MIS18A: variants seen among roughly 807,000 people sequenced by gnomAD.
MIS18A encodes MIS18 kinetochore protein A.
A neutral mutation model predicts 25.0 loss-of-function variants in MIS18A; 14 were observed. The observed-to-expected ratio is 0.56, with a 90% CI of 0.37 to 0.88. The LOEUF (loss-of-function observed/expected upper bound fraction) is 0.88. Ranked by LOEUF, MIS18A falls within the 40% of genes least tolerant of loss-of-function variation. The probability of loss-of-function intolerance (pLI) is 0.00; values close to 1 mark genes in which losing one functional copy is unlikely to be tolerated. For synonymous variants in MIS18A, 134 were observed against 118.6 expected, an observed-to-expected ratio of 1.13 and a Z score of -0.84; for missense variants, 292 against 290.8, an observed-to-expected ratio of 1.00 and a Z score of -0.03.
At chr21:32,204,752 T>C in the MIS18A span, among the ~76,000 whole-genome samples, 1 of 151,848 alleles carries the variant, frequency 6.6e-6, no homozygotes, top group Middle Eastern at 3.4e-3. Context: ...CCAGGCATGG[T>C]GGCAGGTGCC....
chr21:32,243,034 G>A, the MIS18A span, among the ~76,000 whole-genome samples: 1 of 152,158 alleles, frequency 6.6e-6, no homozygotes, highest in Admixed American at 6.5e-5. Flanking sequence ...CCAACAAACG[G>A]TGTGGACTTA....
At chr21:32,215,521 G>T in the MIS18A span, among the ~76,000 whole-genome samples, 1 of 152,118 alleles carries the variant, frequency 6.6e-6, no homozygotes, top group Non-Finnish European at 1.5e-5. Context: ...ATGTTCACTA[G>T]GGAAGCCAGG....
chr21:32,212,466 C>A, the MIS18A span, among the ~76,000 whole-genome samples: 2 of 152,124 alleles, frequency 1.3e-5, no homozygotes, highest in African/African-American at 4.8e-5. Context: ...AGAAGTCAGA[C>A]TCTCACACCT....
At chr21:32,201,560 C>A in the MIS18A span, among the ~76,000 whole-genome samples, 5 of 152,180 alleles carry the variant, frequency 3.3e-5, no homozygotes, top group African/African-American at 4.8e-5. Flanking sequence ...GTAGCTCATG[C>A]CTATAATCCC....
At chr21:32,224,450 G>C in the MIS18A span, among the ~76,000 whole-genome samples, 1 of 151,144 alleles carries the variant, frequency 6.6e-6, no homozygotes, top group East Asian at 1.9e-4. Flanking sequence ...CAAAATCAAT[G>C]TAAAAAAATC....
chr21:32,243,372 AGT>A, the MIS18A span, among the ~76,000 whole-genome samples: 11 of 152,220 alleles, frequency 7.2e-5, no homozygotes, highest in Admixed American at 7.2e-4. Flanking sequence ...GAACTACCAA[AGT>A]GCAGCAGTAA....
chr21:32,191,069 C>T, the MIS18A span, among the ~76,000 whole-genome samples: 1 of 152,216 alleles, frequency 6.6e-6, no homozygotes, highest in Non-Finnish European at 1.5e-5. Flanking sequence ...TCCAGGCTAT[C>T]TGTTCTTGGA....
the MIS18A span, among the ~76,000 whole-genome samples, chr21:32,165,841 A>AT: frequency 0.017 from 2,606 of 152,150 alleles, 76 homozygotes; most frequent in African/African-American, 0.059. Flanking sequence ...CCTTGTTGGG[A>AT]TTTTTTGCAT....
the MIS18A span, among the ~76,000 whole-genome samples, chr21:32,157,358 C>T: frequency 6.6e-5 from 10 of 151,110 alleles, no homozygotes; most frequent in East Asian, 1.9e-4. Context: ...CATGAACCAC[C>T]GGGCCTGGCT....
At chr21:32,253,110 G>A in the MIS18A span, among the ~76,000 whole-genome samples, 1 of 152,170 alleles carries the variant, frequency 6.6e-6, no homozygotes, top group Non-Finnish European at 1.5e-5. Context: ...GGAAGGGTGG[G>A]ATGCGCTTTA....
chr21:32,197,347 ACCCAC>A, the MIS18A span, among the ~76,000 whole-genome samples: 22,800 of 152,028 alleles, frequency 0.15, 1,801 homozygotes, highest in East Asian at 0.24. Flanking sequence ...TTTCCTACCC[ACCCAC>A]GTGGGGCTGA....
At chr21:32,196,666 C>A in the MIS18A span, among the ~76,000 whole-genome samples, 3 of 152,118 alleles carry the variant, frequency 2.0e-5, no homozygotes, top group Admixed American at 1.3e-4. Flanking sequence ...GTTGGCCAGG[C>A]TGGTCTTGAT....
At chr21:32,270,240 C>T (rs1450917223) in intron 3 of MIS18A, among the ~76,000 whole-genome samples, 167 bp downstream of exon 3, 4 of 138,940 alleles carry the variant, frequency 2.9e-5, no homozygotes, top group Admixed American at 7.2e-5. Flanking sequence ...TTTCCAATAC[C>T]AAATAAAGAA....
downstream of MIS18A, among the ~76,000 whole-genome samples, chr21:32,265,763 C>T (rs1340591912): frequency 2.0e-5 from 3 of 152,372 alleles, no homozygotes; most frequent in Admixed American, 1.3e-4. Flanking sequence ...AGCCCCGGTG[C>T]GGGATCCACT....
At chr21:32,191,658 C>A in the MIS18A span, among the ~76,000 whole-genome samples, 5 of 152,172 alleles carry the variant, frequency 3.3e-5, no homozygotes, top group Non-Finnish European at 7.3e-5. Flanking sequence ...AATCCCAGCA[C>A]TTTGGGAGGT....
At chr21:32,165,647 G>GA in the MIS18A span, among the ~76,000 whole-genome samples, 1 of 151,166 alleles carries the variant, frequency 6.6e-6, no homozygotes, top group Non-Finnish European at 1.5e-5. Flanking sequence ...AAAAAGAAAA[G>GA]AAAAAAACCC....
chr21:32,268,940 C>G lies in MIS18A; in HGVS notation c.*97G>C, dbSNP rs11557587. 1 of 552,138 alleles carries G rather than the reference C, an allele frequency of 1.8e-6. No individual in the cohort carries two copies. The highest frequency in any genetic ancestry group is 2.8e-6 in the Non-Finnish European group (1 of 361,226). 34.2% of individuals were successfully genotyped at this position (552,138 alleles called of 1,614,324 possible). A position where few individuals can be genotyped will look rare whatever the true frequency, so the allele number is the denominator to read the frequency against. On this transcript the variant is annotated 3_prime_UTR_variant, in exon 5 of 5. Coordinates refer to ENST00000290130, the MANE Select transcript of MIS18A (RefSeq NM_018944.3). ...CGCATGCCTGGCTAATTTTTTTTTT[C>G]TTTTTTTTTTTGTAGAGACGACGTC...
At chr21:32,209,874 G>A in the MIS18A span, among the ~76,000 whole-genome samples, 12 of 152,278 alleles carry the variant, frequency 7.9e-5, no homozygotes, top group African/African-American at 2.4e-4. Flanking sequence ...TGAGGCCTCC[G>A]CAACCCTGTG....
chr21:32,219,067 CAAAA>C, the MIS18A span, among the ~76,000 whole-genome samples: 1 of 84,324 alleles, frequency 1.2e-5, no homozygotes, highest in African/African-American at 3.6e-5. Flanking sequence ...GACTCTGTCT[CAAAA>C]AAAAAAAAAA....
Sources: gnomAD v4.1 joint callset for allele counts (sites outside exome capture counted in the v4.1 genomes callset) on GRCh38, gnomAD v4.1.1 for gene constraint, MANE v1.5 for transcripts, NCBI Gene and HGNC (gene_info 2026-07-23, HGNC 2026-07-21) for gene names.